The following BTBD9 variants were observed in gnomAD, a reference collection of about 807,000 sequenced individuals.
BTBD9 encodes the protein BTB/POZ domain-containing protein 9.
BTBD9 carries 49 observed loss-of-function variants against 64.3 expected under a neutral mutation model. That is an observed-to-expected ratio of 0.76 (90% CI 0.61 to 0.97). The LOEUF (loss-of-function observed/expected upper bound fraction) is 0.97, where lower values mean the gene tolerates loss of function less well. Among genes scored for constraint, BTBD9 ranks in the 50% least tolerant of loss-of-function variants. The pLI, the probability that BTBD9 is intolerant of heterozygous loss-of-function variation, is 0.00. For synonymous variants in BTBD9, 260 were observed against 274.7 expected, an observed-to-expected ratio of 0.95 and a Z score of 0.53; for missense variants, 598 against 762.1, an observed-to-expected ratio of 0.78 and a Z score of 2.53.
intron 8 of BTBD9, 89 bp downstream of exon 8, chr6:38,288,183 G>T: frequency 7.6e-7 from 1 of 1,317,804 alleles, no homozygotes; most frequent in Non-Finnish European, 1.1e-6. Context: ...TTTCTTCACT[G>T]AAGTTATTAG....
At chr6:38,391,011 A>T (rs976529662) in intron 6 of BTBD9, among the ~76,000 whole-genome samples, 1 of 152,340 alleles carries the variant, frequency 6.6e-6, no homozygotes, top group East Asian at 1.9e-4. Context: ...TTATATGCTT[A>T]TACTTATTGT....
intron 6 of BTBD9, among the ~76,000 whole-genome samples, chr6:38,411,543 A>G (rs75288869): frequency 0.015 from 2,301 of 152,344 alleles, 53 homozygotes; most frequent in African/African-American, 0.052. Flanking sequence ...TTTAGTTCCA[A>G]AGCAAACAAA....
intron 6 of BTBD9, among the ~76,000 whole-genome samples, chr6:38,446,392 C>T (rs904420151): frequency 6.6e-6 from 1 of 151,844 alleles, no homozygotes; most frequent in Admixed American, 6.6e-5. Context: ...AGAGGGGTCC[C>T]GGAGAAATGG....
chr6:38,409,366 A>G (rs1291021292), intron 6 of BTBD9, among the ~76,000 whole-genome samples: 1 of 152,262 alleles, frequency 6.6e-6, no homozygotes, highest in Non-Finnish European at 1.5e-5. Context: ...TAAGGGCTTA[A>G]TAAGTGTTCA....
chr6:38,635,026 G>A (rs1233618145), intron 1 of BTBD9, among the ~76,000 whole-genome samples: 1 of 152,058 alleles, frequency 6.6e-6, no homozygotes, highest in East Asian at 1.9e-4. Flanking sequence ...CATCACCTGG[G>A]AACTTGTTCA....
At chr6:38,391,223 C>CT (rs1033401948) in intron 6 of BTBD9, among the ~76,000 whole-genome samples, 2 of 152,304 alleles carry the variant, frequency 1.3e-5, no homozygotes, top group African/African-American at 4.8e-5. Flanking sequence ...GTTTTACATA[C>CT]TATCCTTTTT....
At chr6:38,621,381 T>C (rs959282541) in intron 1 of BTBD9, among the ~76,000 whole-genome samples, 1 of 152,214 alleles carries the variant, frequency 6.6e-6, no homozygotes, top group Non-Finnish European at 1.5e-5. Flanking sequence ...CCCAGACTTA[T>C]GCCGCCTGAG....
At chr6:38,461,796 G>A (rs1268369263) in intron 6 of BTBD9, among the ~76,000 whole-genome samples, 5 of 152,202 alleles carry the variant, frequency 3.3e-5, no homozygotes, top group East Asian at 3.8e-4. Context: ...GCAGCAGAGT[G>A]TTAGAGTTAC....
chr6:38,537,942 C>G (rs968642252), intron 6 of BTBD9, among the ~76,000 whole-genome samples: 3 of 152,164 alleles, frequency 2.0e-5, no homozygotes, highest in African/African-American at 7.2e-5. Context: ...TGAAGGATGG[C>G]AGAGCCCCCT....
chr6:38,508,858 C>T (rs568234441), intron 6 of BTBD9, among the ~76,000 whole-genome samples: 1 of 152,254 alleles, frequency 6.6e-6, no homozygotes, highest in Admixed American at 6.5e-5. Flanking sequence ...CATACCCTCC[C>T]CACCCCTCCA....
At chr6:38,634,149 A>T (rs1420563685) in intron 1 of BTBD9, among the ~76,000 whole-genome samples, 1 of 152,248 alleles carries the variant, frequency 6.6e-6, no homozygotes, top group African/African-American at 2.4e-5. Context: ...GCTGTCAGTC[A>T]TGAAGCTCCA....
chr6:38,415,388 A>G (rs57956675), intron 6 of BTBD9, among the ~76,000 whole-genome samples: 2,066 of 152,258 alleles, frequency 0.014, 49 homozygotes, highest in African/African-American at 0.047. Flanking sequence ...TGAGTCAAGG[A>G]ACATGGGTAG....
At chr6:38,580,945 C>A (rs1011066469) in intron 4 of BTBD9, among the ~76,000 whole-genome samples, 14 of 152,176 alleles carry the variant, frequency 9.2e-5, no homozygotes, top group African/African-American at 3.4e-4. Context: ...GTAATCCCAG[C>A]ACTTTGGGAG....
intron 10 of BTBD9, among the ~76,000 whole-genome samples, chr6:38,178,934 C>A (rs1156830173): frequency 6.6e-6 from 1 of 152,068 alleles, no homozygotes; most frequent in Non-Finnish European, 1.5e-5. Flanking sequence ...CTCACTGCAA[C>A]CTCCGCCTCC....
chr6:38,505,596 C>A, intron 6 of BTBD9, among the ~76,000 whole-genome samples: 1 of 151,636 alleles, frequency 6.6e-6, no homozygotes, highest in South Asian at 2.1e-4. Flanking sequence ...TGCACTCCAG[C>A]CTGAGCGACA....
intron 6 of BTBD9, among the ~76,000 whole-genome samples, chr6:38,459,921 C>T (rs1222495202): frequency 6.6e-6 from 1 of 152,114 alleles, no homozygotes; most frequent in African/African-American, 2.4e-5. Context: ...ATTTGTCTAC[C>T]GTGGTTTTAC....
At chr6:38,620,312 T>G (rs1477457900) in intron 1 of BTBD9, among the ~76,000 whole-genome samples, 1 of 152,232 alleles carries the variant, frequency 6.6e-6, no homozygotes, top group African/African-American at 2.4e-5. Flanking sequence ...GGAAGTGGAA[T>G]GGTTCACTGT....
intron 6 of BTBD9, among the ~76,000 whole-genome samples, chr6:38,437,384 C>T (rs938654215): frequency 2.0e-5 from 3 of 152,156 alleles, no homozygotes; most frequent in African/African-American, 7.2e-5. Context: ...TTTGCCAGCT[C>T]ACAACAGTTT....
intron 7 of BTBD9, among the ~76,000 whole-genome samples, chr6:38,314,768 T>C (rs761806900): frequency 4.6e-5 from 7 of 152,240 alleles, no homozygotes; most frequent in Non-Finnish European, 1.0e-4. Context: ...TTTATTGGCA[T>C]ATATTTGCTT....
Sources: gnomAD v4.1 joint callset for allele counts (sites outside exome capture counted in the v4.1 genomes callset) on GRCh38, gnomAD v4.1.1 for gene constraint, MANE v1.5 for transcripts, NCBI Gene and HGNC (gene_info 2026-07-23, HGNC 2026-07-21) for gene names.